Variants in NOL4 observed in about 807,000 individuals in gnomAD.
NOL4 encodes the protein nucleolar protein 4.
NOL4 carries 17 observed loss-of-function variants against 75.9 expected under a neutral mutation model. The observed-to-expected ratio is 0.22, with a 90% CI of 0.15 to 0.34. The LOEUF is 0.34. Among genes scored for constraint, NOL4 ranks in the 10% least tolerant of loss-of-function variants. The probability of loss-of-function intolerance (pLI) is 1.00; values close to 1 mark genes in which losing one functional copy is unlikely to be tolerated. For synonymous variants in NOL4, 292 were observed against 289.9 expected (o/e 1.01, Z -0.07); for missense variants, 614 against 793.5 (o/e 0.77, Z 2.72).
At chr18:34,133,827 G>A (rs551854192) in intron 1 of NOL4, among the ~76,000 whole-genome samples, 59 of 152,154 alleles carry the variant, frequency 3.9e-4, no homozygotes, top group Middle Eastern at 3.4e-3. Context: ...TTCAAGACCC[G>A]CCTGGCCAAT....
intron 5 of NOL4, among the ~76,000 whole-genome samples, chr18:34,043,588 TATTA>T (rs1182856199): frequency 6.6e-6 from 1 of 152,126 alleles, no homozygotes; most frequent in African/African-American, 2.4e-5. Context: ...AGCCTCTCTT[TATTA>T]GTTATATCGC....
At chr18:34,110,825 C>T (rs1452324308) in intron 2 of NOL4, among the ~76,000 whole-genome samples, 1 of 151,910 alleles carries the variant, frequency 6.6e-6, no homozygotes, top group Admixed American at 6.6e-5. Flanking sequence ...ATAAACAAAT[C>T]CAGTAAAGTT....
intron 1 of NOL4, among the ~76,000 whole-genome samples, chr18:34,137,779 T>TATACACACACAC (rs1354745785): frequency 0.063 from 9,334 of 147,030 alleles, 358 homozygotes; most frequent in African/African-American, 0.096. Context: ...ATATACGAAA[T>TATACACACACAC]ACACACACAC....
intron 8 of NOL4, among the ~76,000 whole-genome samples, 172 bp from the exon 9 acceptor site, chr18:33,943,350 GA>G (rs2068623471): frequency 6.6e-6 from 1 of 151,490 alleles, no homozygotes; most frequent in African/African-American, 2.4e-5. Context: ...GATGAAAAAT[GA>G]AAGCTAGTTA....
rs573026015 is a variant in NOL4 at position 34,136,081 on chromosome 18, C to G, written c.265-6061G>C. Reference sequence around the variant, plus strand: ...TATCATATTAATACAATAAAGGACACAAGCATATTATTATTTCCATAGATC... The same window carrying G: ...TATCATATTAATACAATAAAGGACAGAAGCATATTATTATTTCCATAGATC... On this transcript the variant is annotated intron_variant, in intron 1 of 10. Coordinates refer to ENST00000261592, the MANE Select transcript of NOL4 (RefSeq NM_003787.5). Among the ~76,000 whole-genome samples, 23 of 152,078 alleles carry G rather than the reference C, an allele frequency of 1.5e-4. No individual in the cohort carries two copies. The South Asian group carries it at 4.4e-3, about 29-fold the overall frequency.
chr18:33,962,612 T>C (rs2070239902), intron 6 of NOL4, among the ~76,000 whole-genome samples: 1 of 152,146 alleles, frequency 6.6e-6, no homozygotes, highest in South Asian at 2.1e-4. Context: ...AACAGTAAAG[T>C]TAAATTTTAA....
chr18:34,174,637 C>A (rs2033368049), intron 1 of NOL4, among the ~76,000 whole-genome samples: 1 of 152,056 alleles, frequency 6.6e-6, no homozygotes, highest in Non-Finnish European at 1.5e-5. Context: ...ATCAGCCCGT[C>A]ACCTACATTA....
At chr18:34,017,210 G>A (rs72957360) in intron 6 of NOL4, among the ~76,000 whole-genome samples, 1,763 of 152,194 alleles carry the variant, frequency 0.012, 15 homozygotes, top group Middle Eastern at 0.031. Flanking sequence ...ACGAGAATAA[G>A]TATTGTCTGT....
intron 1 of NOL4, among the ~76,000 whole-genome samples, chr18:34,178,500 A>G (rs1392509611): frequency 6.6e-6 from 1 of 151,718 alleles, no homozygotes; most frequent in East Asian, 1.9e-4. Context: ...TGTTGAAAGT[A>G]AAAGGATGAA....
At chr18:34,217,843 T>C (rs1277019685) in intron 1 of NOL4, among the ~76,000 whole-genome samples, 2 of 151,994 alleles carry the variant, frequency 1.3e-5, no homozygotes, top group African/African-American at 2.4e-5. Context: ...TATGCAAAAC[T>C]AGTAAGACTA....
intron 1 of NOL4, among the ~76,000 whole-genome samples, chr18:34,197,549 C>T (rs1379103119): frequency 6.6e-6 from 1 of 151,958 alleles, no homozygotes; most frequent in Non-Finnish European, 1.5e-5. Flanking sequence ...GAGTTTATCT[C>T]ATGGGAATTA....
intron 5 of NOL4, among the ~76,000 whole-genome samples, chr18:34,052,303 G>T (rs541921899): frequency 7.4e-4 from 113 of 151,922 alleles, no homozygotes; most frequent in Non-Finnish European, 1.3e-3. Flanking sequence ...AAAAGTAAAA[G>T]TAAATTGCCC....
At chr18:33,855,796 G>A (rs1039052776) in intron 10 of NOL4, among the ~76,000 whole-genome samples, 4 of 151,950 alleles carry the variant, frequency 2.6e-5, no homozygotes, top group African/African-American at 7.2e-5. Context: ...AAATGAAAAT[G>A]TATATTTTCA....
Position 34,019,413 on chromosome 18 carries a change from T to C in NOL4, c.961A>G (p.Ile321Val), listed in dbSNP as rs749002031. The C allele has an allele frequency of 1.2e-6, 2 of 1,613,948 alleles. No individual in the cohort carries two copies. The highest frequency in any genetic ancestry group is 2.2e-5 in the East Asian group (1 of 44,860). The change falls in exon 6 of 11, where the codon ATA becomes GTA. Residue 321 changes from isoleucine (I) to valine (V), a missense_variant. Ile to Val is a conservative substitution (Grantham distance 29). Transcript: ENST00000261592. The stretch of plus-strand genomic sequence containing the variant: ...TTCCCATTACTGTTGTGATCATCTA[T>C]TCTGTATTCCGAAGTTAGCTGCGCA... ...LSAQLTSEYR[I>V]DDHNSNGKNK...
At chr18:34,061,062 TAA>T (rs1222494669) in intron 5 of NOL4, among the ~76,000 whole-genome samples, 1 of 152,110 alleles carries the variant, frequency 6.6e-6, no homozygotes, top group Admixed American at 6.5e-5. Flanking sequence ...TGACACGCCC[TAA>T]GAGTGTGAGT....
chr18:34,038,726 G>A (rs2076017199), intron 5 of NOL4, among the ~76,000 whole-genome samples: 1 of 152,056 alleles, frequency 6.6e-6, no homozygotes, highest in Non-Finnish European at 1.5e-5. Context: ...AGATACCAGA[G>A]GTGGGTAAGT....
At chr18:34,167,532 T>TTAGATAGATAGATAGATAGA (rs71159861) in intron 1 of NOL4, among the ~76,000 whole-genome samples, 8,837 of 149,904 alleles carry the variant, frequency 0.059, 314 homozygotes, top group Non-Finnish European at 0.076. Context: ...CCTCAAATAA[T>TTAGATAGATAGATAGATAGA]TAGATAGATA....
chr18:33,905,948 C>G (rs575754660), intron 9 of NOL4, among the ~76,000 whole-genome samples: 1 of 152,146 alleles, frequency 6.6e-6, no homozygotes, highest in African/African-American at 2.4e-5. Context: ...TTGGAATGAA[C>G]CTTTGAGAGT....
intron 10 of NOL4, among the ~76,000 whole-genome samples, chr18:33,853,955 ATTCT>A (rs2062730655): frequency 6.6e-6 from 1 of 152,110 alleles, no homozygotes; most frequent in South Asian, 2.1e-4. Context: ...TCTTTCAATT[ATTCT>A]TTAAGTGTTC....
Sources: allele counts gnomAD v4.1 joint callset (sites outside exome capture counted in the v4.1 genomes callset), GRCh38; gene constraint gnomAD v4.1.1; transcripts MANE v1.5; gene names NCBI Gene and HGNC (gene_info 2026-07-23, HGNC 2026-07-21).